The following PRKCQ variants were observed in gnomAD, a reference collection of about 807,000 sequenced individuals.
PRKCQ encodes the protein protein kinase C theta type.
A neutral mutation model predicts 91.2 loss-of-function variants in PRKCQ; 41 were observed. The observed-to-expected ratio is 0.45, with a 90% CI of 0.35 to 0.58. PRKCQ has a LOEUF of 0.58. Among genes scored for constraint, PRKCQ ranks in the 20% least tolerant of loss-of-function variants. The pLI is 0.00. For missense variants in PRKCQ, 673 were observed against 896.5 expected (o/e 0.75, Z 3.18); for synonymous variants, 307 against 316.9 (o/e 0.97, Z 0.33).
chr10:6,438,777 G>T (rs1433031837), intron 16 of PRKCQ, among the ~76,000 whole-genome samples: 1 of 152,066 alleles, frequency 6.6e-6, no homozygotes, highest in Non-Finnish European at 1.5e-5. Flanking sequence ...TAGATTTTTT[G>T]TAGAGATGGG....
At chr10:6,485,927 T>C (rs776187431) in intron 9 of PRKCQ, 108 bp downstream of exon 9, 4 of 948,244 alleles carry the variant, frequency 4.2e-6, no homozygotes, top group Non-Finnish European at 4.9e-6. Flanking sequence ...TGCTCAGAAA[T>C]ACATCCCGGC....
At chr10:6,513,121 T>C (rs1032353028) in intron 2 of PRKCQ, among the ~76,000 whole-genome samples, 2 of 152,194 alleles carry the variant, frequency 1.3e-5, no homozygotes, top group Non-Finnish European at 2.9e-5. Context: ...GAGGGCCCTA[T>C]CTATGTAGAG....
At chr10:6,482,537 A>G (rs1369300185) in intron 11 of PRKCQ, among the ~76,000 whole-genome samples, 2 of 152,162 alleles carry the variant, frequency 1.3e-5, no homozygotes, top group African/African-American at 4.8e-5. Context: ...GGAAGAAACA[A>G]CCCAGACAAC....
At chr10:6,394,664 T>G in the PRKCQ span, among the ~76,000 whole-genome samples, 1 of 152,160 alleles carries the variant, frequency 6.6e-6, no homozygotes, top group Admixed American at 6.5e-5. Context: ...GGTCAGCTGT[T>G]GAACTGATGA....
chr10:6,431,584 T>C (rs1423301376), intron 16 of PRKCQ, among the ~76,000 whole-genome samples: 1 of 152,196 alleles, frequency 6.6e-6, no homozygotes, highest in African/African-American at 2.4e-5. Flanking sequence ...ATTTGTGCAG[T>C]ATAACTCCTG....
At chr10:6,550,762 T>C (rs530160662) in intron 1 of PRKCQ, among the ~76,000 whole-genome samples, 11 of 152,310 alleles carry the variant, frequency 7.2e-5, no homozygotes, top group African/African-American at 2.6e-4. Flanking sequence ...CATGCAGTCA[T>C]TCTAAGTTTT....
chr10:6,403,901 C>A, the PRKCQ span, among the ~76,000 whole-genome samples: 1 of 152,070 alleles, frequency 6.6e-6, no homozygotes, highest in Non-Finnish European at 1.5e-5. Flanking sequence ...CACACACACT[C>A]ATTTATTTCC....
intron 1 of PRKCQ, among the ~76,000 whole-genome samples, chr10:6,558,937 C>A (rs574805233): frequency 6.6e-6 from 1 of 152,088 alleles, no homozygotes; most frequent in African/African-American, 2.4e-5. Context: ...CATGGTCACG[C>A]GCAGAGAGGC....
the PRKCQ span, among the ~76,000 whole-genome samples, chr10:6,413,968 C>T: frequency 0.24 from 36,399 of 151,136 alleles, 4,836 homozygotes; most frequent in African/African-American, 0.35. Context: ...TAAATAACAG[C>T]CCTGACGACA....
intron 15 of PRKCQ, among the ~76,000 whole-genome samples, chr10:6,455,995 A>G (rs1639035533): frequency 6.6e-6 from 1 of 152,132 alleles, no homozygotes; most frequent in Non-Finnish European, 1.5e-5. Flanking sequence ...GGAAAGACCA[A>G]GTGGGAGGGG....
intron 1 of PRKCQ, among the ~76,000 whole-genome samples, chr10:6,535,950 C>G (rs1350776087): frequency 1.3e-5 from 2 of 152,146 alleles, no homozygotes; most frequent in East Asian, 1.9e-4. Context: ...CACCCTAGGG[C>G]AGCCATGGCA....
chr10:6,417,520 A>G, the PRKCQ span, among the ~76,000 whole-genome samples: 1 of 152,238 alleles, frequency 6.6e-6, no homozygotes, highest in Non-Finnish European at 1.5e-5. Flanking sequence ...AATTGACGTA[A>G]CTGTTCTGAT....
chr10:6,400,374 C>G, the PRKCQ span, among the ~76,000 whole-genome samples: 1 of 152,352 alleles, frequency 6.6e-6, no homozygotes, highest in South Asian at 2.1e-4. Context: ...TGGAAGACAG[C>G]AGGTGGTCCA....
chr10:6,407,002 G>A, the PRKCQ span, among the ~76,000 whole-genome samples: 8 of 152,254 alleles, frequency 5.3e-5, no homozygotes, highest in East Asian at 3.9e-4. This position sits in a 1 kb window ranked among gnomAD's most constrained non-coding sequence, Gnocchi z 4.0. Flanking sequence ...GTATTTCCTC[G>A]GGGGTAAAGC....
chr10:6,404,418 TTTTCTCTTTC>T, the PRKCQ span, among the ~76,000 whole-genome samples: 3 of 148,910 alleles, frequency 2.0e-5, no homozygotes, highest in East Asian at 4.0e-4. Flanking sequence ...TTTCTTTCTT[TTTTCTCTTTC>T]TTTCTCTCTT....
chr10:6,395,153 T>C, the PRKCQ span, among the ~76,000 whole-genome samples: 4 of 141,406 alleles, frequency 2.8e-5, no homozygotes, highest in South Asian at 2.4e-4. Context: ...AAGCTCCGCC[T>C]CCCGGGTTCA....
At chr10:6,441,332 G>A (rs1343547806) in intron 16 of PRKCQ, among the ~76,000 whole-genome samples, 2 of 152,110 alleles carry the variant, frequency 1.3e-5, no homozygotes, top group African/African-American at 4.8e-5. Context: ...AGTAGAGACC[G>A]TGTTTCTCCA....
intron 12 of PRKCQ, 22 bp from the exon 13 acceptor site, chr10:6,464,426 C>T (rs868161529): frequency 6.5e-7 from 1 of 1,536,626 alleles, no homozygotes; most frequent in Non-Finnish European, 8.9e-7. Flanking sequence ...CAAAACAATT[C>T]CAACTTTTAT....
chr10:6,416,027 A>C, the PRKCQ span, among the ~76,000 whole-genome samples: 1 of 152,048 alleles, frequency 6.6e-6, no homozygotes, highest in Non-Finnish European at 1.5e-5. Flanking sequence ...GATTACAGGC[A>C]TGAGCCACCA....
Sources: allele counts gnomAD v4.1 joint callset (sites outside exome capture counted in the v4.1 genomes callset), GRCh38; gene constraint gnomAD v4.1.1; non-coding constraint Gnocchi (gnomAD v3.1); transcripts MANE v1.5; gene names NCBI Gene and HGNC (gene_info 2026-07-23, HGNC 2026-07-21).